COX10: variants seen among roughly 807,000 people sequenced by gnomAD.
The protein encoded by COX10 is protoheme IX farnesyltransferase, mitochondrial.
In COX10, 27 loss-of-function variants were observed where a neutral mutation model predicts 37.3. The ratio of observed to expected loss-of-function variants is 0.72; its 90% CI spans 0.53 to 1.00. The LOEUF (loss-of-function observed/expected upper bound fraction) is 1.00. Among genes scored for constraint, COX10 ranks in the 50% least tolerant of loss-of-function variants. The pLI is 0.00. For synonymous variants in COX10, 222 were observed against 229.1 expected (o/e 0.97, Z 0.28); for missense variants, 475 against 563.2 (o/e 0.84, Z 1.59).
intron 1 of COX10, 37 bp downstream of exon 1, chr17:14,069,685 T>G (rs753287450): frequency 6.8e-6 from 11 of 1,613,264 alleles, no homozygotes; most frequent in Admixed American, 5.0e-5. Context: ...TTGGGGGAAA[T>G]TCTTCTCTTA....
Position 14,126,848 on chromosome 17 carries a change from A to G in COX10, c.624+24606A>G, listed in dbSNP as rs370747228. On this transcript the variant is annotated intron_variant, in intron 4 of 6. Transcript: ENST00000261643. ...TTGCTTTATATAATGTTTTATTAGT[A>G]TTTAAAATTTATGGGGAAATATTTA... 5.3e-5 allele frequency among the ~76,000 whole-genome samples: 8 copies of G among 152,230 alleles called. No individual in the cohort carries two copies. The East Asian group carries it at 1.2e-3, about 22-fold the overall frequency.
chr17:14,177,331 C>G (rs963928000), intron 5 of COX10: 7 of 661,718 alleles, frequency 1.1e-5, no homozygotes, highest in Middle Eastern at 2.5e-4. Context: ...AAAGAAAATA[C>G]CAACTCCATG....
chr17:14,144,924 G>A (rs1904665330), intron 4 of COX10, among the ~76,000 whole-genome samples: 1 of 152,054 alleles, frequency 6.6e-6, no homozygotes, highest in South Asian at 2.1e-4. Flanking sequence ...GCACAGTTAG[G>A]TACAAATGGG....
At chr17:14,189,945 A>G (rs550606934) in intron 5 of COX10, among the ~76,000 whole-genome samples, 3 of 152,222 alleles carry the variant, frequency 2.0e-5, no homozygotes, top group Non-Finnish European at 2.9e-5. Flanking sequence ...GGAAGTTAAT[A>G]GACAGTAGAG....
rs1228572301 is a variant in COX10, at chr17:14,206,975, T to C, written c.1094T>C (p.Leu365Pro). The change falls in exon 7 of 7, where the codon CTC becomes CCC. Residue 365 changes from leucine to proline, a missense_variant. This residue lies in a region of COX10 where 160 missense variants were observed against 180.6 expected (regional missense o/e 0.89). Coordinates refer to ENST00000261643, the MANE Select transcript of COX10 (RefSeq NM_001303.4). ...RVALRHCLAL[L>P]VLSAAAPVLD... ...GCGCTGCGCCACTGCCTGGCCCTGC[T>C]CGTGCTGTCCGCAGCAGCCCCTGTG... 2 of 1,614,072 alleles carry C rather than the reference T, an allele frequency of 1.2e-6. No homozygotes were observed. Among genetic ancestry groups the C allele is most frequent in the Admixed American group, 1.7e-5 (1 of 60,030 alleles).
chr17:14,080,219 C>CTTTTTTT (rs71147840), intron 3 of COX10, among the ~76,000 whole-genome samples: 34 of 102,692 alleles, frequency 3.3e-4, no homozygotes, highest in East Asian at 2.9e-3. Context: ...ATTAGACTTT[C>CTTTTTTT]TTTTTTTTTT....
In COX10 at chr17:14,203,441, T is replaced by C. The variant is rs1906604403; in HGVS notation, c.929-3369T>C. 2.6e-5 allele frequency among the ~76,000 whole-genome samples: 4 copies of C among 152,198 alleles called. No homozygotes were observed. In the South Asian group the frequency reaches 8.3e-4, roughly 32 times the overall value. On this transcript the variant is annotated intron_variant, in intron 6 of 6. Coordinates refer to ENST00000261643, the MANE Select transcript of COX10 (RefSeq NM_001303.4). The stretch of plus-strand genomic sequence containing the variant: ...GGAGGCCCTCATCCCTCTTAAACCA[T>C]CTGTACCCACACAAATTCCGCTTGA...
At position 14,074,236 on chromosome 17, in the gene COX10, C is replaced by CT. The variant is rs1316240008; in HGVS notation, c.44-86dup. Reference sequence around the variant, plus strand: ...CACAGTGTAGCGCTTACCTTAGTGGCTGGCTTTGCTTCTGGGGAGGTGTAG... The same window carrying CT: ...CACAGTGTAGCGCTTACCTTAGTGGCTTGGCTTTGCTTCTGGGGAGGTGTAG... On this transcript the variant is annotated intron_variant, in intron 1 of 6. Transcript: ENST00000261643. 1.2e-5 allele frequency: 17 copies of CT among 1,467,144 alleles called. No individual in the cohort carries two copies. In the Admixed American group the frequency reaches 1.8e-4, roughly 16 times the overall value. 90.9% of individuals were successfully genotyped at this position (1,467,144 alleles called of 1,614,324 possible). A position where few individuals can be genotyped will look rare whatever the true frequency, so the allele number is the denominator to read the frequency against.
intron 4 of COX10, among the ~76,000 whole-genome samples, chr17:14,156,386 C>T (rs185887724): frequency 1.4e-4 from 22 of 152,180 alleles, no homozygotes; most frequent in Admixed American, 5.2e-4. Context: ...CCCGCCACCG[C>T]GCCCGGCTAA....
At chr17:14,093,474 G>T (rs1333624002) in intron 3 of COX10, among the ~76,000 whole-genome samples, 1 of 152,162 alleles carries the variant, frequency 6.6e-6, no homozygotes, top group Non-Finnish European at 1.5e-5. Flanking sequence ...GCTTCTTCAA[G>T]AAAACCTCTT....
intron 6 of COX10, among the ~76,000 whole-genome samples, chr17:14,203,994 A>C (rs1906621583): frequency 6.6e-6 from 1 of 152,108 alleles, no homozygotes; most frequent in African/African-American, 2.4e-5. Context: ...GAGAAGATAG[A>C]CAGAATCCTG....
intron 5 of COX10, among the ~76,000 whole-genome samples, chr17:14,184,423 A>T (rs2856163): frequency 5.3e-5 from 8 of 152,228 alleles, no homozygotes; most frequent in Non-Finnish European, 7.3e-5. Context: ...AAAGTATTTT[A>T]AAAACATATT....
At chr17:14,166,049 A>G (rs1661865996) in intron 5 of COX10, among the ~76,000 whole-genome samples, 1 of 152,244 alleles carries the variant, frequency 6.6e-6, no homozygotes, top group African/African-American at 2.4e-5. Flanking sequence ...CTTCAAAACA[A>G]AAAGTGCAAG....
intron 5 of COX10, among the ~76,000 whole-genome samples, chr17:14,182,459 A>G (rs757723480): frequency 1.3e-5 from 2 of 151,906 alleles, no homozygotes; most frequent in African/African-American, 2.4e-5. Context: ...TTTCTTCACA[A>G]TTTCCTTAAG....
intron 6 of COX10, among the ~76,000 whole-genome samples, chr17:14,204,492 C>T (rs74463790): frequency 0.033 from 4,947 of 152,004 alleles, 120 homozygotes; most frequent in African/African-American, 0.059. Context: ...TTACACTGCA[C>T]GCACATCCTG....
chr17:14,200,877 C>G (rs1422594355), intron 6 of COX10, among the ~76,000 whole-genome samples: 1 of 152,190 alleles, frequency 6.6e-6, no homozygotes, highest in African/African-American at 2.4e-5. Flanking sequence ...AATTTTAGAT[C>G]TCAGTTTACA....
At chr17:14,149,993 G>C (rs9910018) in intron 4 of COX10, among the ~76,000 whole-genome samples, 1 of 152,054 alleles carries the variant, frequency 6.6e-6, no homozygotes, top group African/African-American at 2.4e-5. Context: ...GTTTACGGCC[G>C]GGCACAGTGA....
At chr17:14,144,372 G>A (rs1904648724) in intron 4 of COX10, among the ~76,000 whole-genome samples, 1 of 152,002 alleles carries the variant, frequency 6.6e-6, no homozygotes, top group Non-Finnish European at 1.5e-5. Flanking sequence ...TGTTAATGTT[G>A]TCAGTAAGCA....
chr17:14,071,919 A>T (rs1163388508), intron 1 of COX10, among the ~76,000 whole-genome samples: 2 of 151,934 alleles, frequency 1.3e-5, no homozygotes, highest in East Asian at 1.9e-4. Flanking sequence ...AAAAAAAATT[A>T]AAAATGTCAG....
Sources: gnomAD v4.1 joint callset for allele counts (sites outside exome capture counted in the v4.1 genomes callset) on GRCh38, gnomAD v4.1.1 for gene constraint, gnomAD v4.1.1 regional missense constraint, MANE v1.5 for transcripts, NCBI Gene and HGNC (gene_info 2026-07-23, HGNC 2026-07-21) for gene names.